HYCC1: variants seen among roughly 807,000 people sequenced by gnomAD.
The protein encoded by HYCC1 is hyccin PI4KA lipid kinase complex subunit 1.
the HYCC1 span, among the ~76,000 whole-genome samples, chr7:23,010,472 C>T: frequency 1.3e-5 from 2 of 152,034 alleles, no homozygotes; most frequent in African/African-American, 4.8e-5. Context: ...AGTATCAATG[C>T]AAGTAATCAA....
chr7:22,950,415 T>C, the HYCC1 span, among the ~76,000 whole-genome samples: 2 of 152,062 alleles, frequency 1.3e-5, no homozygotes, highest in Non-Finnish European at 2.9e-5. Context: ...CCTGGAAAAG[T>C]AGCTTGTATA....
chr7:22,997,362 T>C, the HYCC1 span, among the ~76,000 whole-genome samples: 4 of 152,320 alleles, frequency 2.6e-5, no homozygotes, highest in African/African-American at 9.6e-5. Context: ...TTTATAACCA[T>C]TTGTTTTATA....
chr7:22,930,706 A>T, the HYCC1 span, among the ~76,000 whole-genome samples: 3 of 152,066 alleles, frequency 2.0e-5, no homozygotes, highest in Admixed American at 1.3e-4. Flanking sequence ...GAGATGTAAA[A>T]CTCCTCAACA....
the HYCC1 span, among the ~76,000 whole-genome samples, chr7:23,005,832 T>C: frequency 6.6e-6 from 1 of 152,146 alleles, no homozygotes; most frequent in Non-Finnish European, 1.5e-5. Context: ...TCTCCAACAA[T>C]CTATTTGATT....
the HYCC1 span, among the ~76,000 whole-genome samples, chr7:22,996,765 C>A: frequency 5.3e-5 from 8 of 152,080 alleles, no homozygotes; most frequent in Non-Finnish European, 1.2e-4. Context: ...GCAAGAGGCT[C>A]TCTACAAGTT....
chr7:22,938,136 AAAACAAAGC>A, the HYCC1 span: 1 of 152,224 alleles, frequency 6.6e-6, no homozygotes, highest in Non-Finnish European at 1.5e-5. Context: ...GATTACAAAC[AAAACAAAGC>A]AAATAAAAAC....
At chr7:22,926,842 A>T in the HYCC1 span, among the ~76,000 whole-genome samples, 1 of 151,712 alleles carries the variant, frequency 6.6e-6, no homozygotes, top group African/African-American at 2.4e-5. Context: ...CCTAATAGAC[A>T]TCTACAGAAC....
chr7:22,962,491 C>T, the HYCC1 span, among the ~76,000 whole-genome samples: 1 of 149,598 alleles, frequency 6.7e-6, no homozygotes, highest in Admixed American at 6.7e-5. Flanking sequence ...TCACACAGAA[C>T]AAAAATTTTA....
the HYCC1 span, among the ~76,000 whole-genome samples, chr7:22,955,114 AAAGT>A: frequency 6.6e-6 from 1 of 151,602 alleles, no homozygotes; most frequent in Non-Finnish European, 1.5e-5. Context: ...AAAAATCTTT[AAAGT>A]AATTGTTACT....
chr7:23,009,471 C>T, the HYCC1 span, among the ~76,000 whole-genome samples: 1 of 152,090 alleles, frequency 6.6e-6, no homozygotes, highest in African/African-American at 2.4e-5. Flanking sequence ...GACAATCAGA[C>T]AAAACTTTTC....
chr7:22,929,726 C>G, the HYCC1 span, among the ~76,000 whole-genome samples: 3 of 152,176 alleles, frequency 2.0e-5, no homozygotes, highest in Non-Finnish European at 4.4e-5. Context: ...GAAATAGGAA[C>G]ACTTTTACAC....
the HYCC1 span, among the ~76,000 whole-genome samples, chr7:22,899,979 A>G: frequency 1.2e-4 from 19 of 152,104 alleles, no homozygotes; most frequent in Admixed American, 8.5e-4. Context: ...TAGTCAGAAA[A>G]TTTTATGCAT....
chr7:22,956,781 TA>T, the HYCC1 span, among the ~76,000 whole-genome samples: 1 of 151,650 alleles, frequency 6.6e-6, no homozygotes, highest in Non-Finnish European at 1.5e-5. Flanking sequence ...TAAAGTTTAC[TA>T]AAAAAATAAA....
chr7:23,006,592 T>C, the HYCC1 span, among the ~76,000 whole-genome samples: 1 of 152,182 alleles, frequency 6.6e-6, no homozygotes, highest in Admixed American at 6.5e-5. Context: ...AAGGCTTACA[T>C]TATTCTCTTA....
chr7:22,950,653 C>T, the HYCC1 span, among the ~76,000 whole-genome samples: 1 of 151,750 alleles, frequency 6.6e-6, no homozygotes, highest in African/African-American at 2.4e-5. Flanking sequence ...GTGAAGGAGC[C>T]GTCTCTAAAT....
At chr7:23,004,799 G>T in the HYCC1 span, among the ~76,000 whole-genome samples, 3 of 151,986 alleles carry the variant, frequency 2.0e-5, no homozygotes, top group Admixed American at 1.3e-4. Flanking sequence ...CTCTTCTACT[G>T]CTTTTTTTGT....
chr7:22,904,302 G>T, the HYCC1 span, among the ~76,000 whole-genome samples: 1 of 151,746 alleles, frequency 6.6e-6, no homozygotes. Flanking sequence ...GTGGTGGCAG[G>T]TGCCTGTAGT....
chr7:22,989,646 C>A, the HYCC1 span, among the ~76,000 whole-genome samples: 109 of 152,230 alleles, frequency 7.2e-4, no homozygotes, highest in African/African-American at 2.5e-3. Flanking sequence ...GCATAAGCCA[C>A]CTCATCTGGC....
At chr7:22,977,499 A>C in the HYCC1 span, 1 of 867,036 alleles carries the variant, frequency 1.2e-6, no homozygotes, top group Non-Finnish European at 1.8e-6. Context: ...AAATAGTCTA[A>C]AACATTTTTT....
Sources: allele counts gnomAD v4.1 joint callset (sites outside exome capture counted in the v4.1 genomes callset), GRCh38; gene constraint gnomAD v4.1.1; transcripts MANE v1.5; gene names NCBI Gene and HGNC (gene_info 2026-07-23, HGNC 2026-07-21).